Variants in NLGN1 observed in about 807,000 individuals in gnomAD.
NLGN1 encodes neuroligin 1.
Under a neutral mutation model 65.5 loss-of-function variants are expected in NLGN1, and 12 were observed. The observed-to-expected ratio is 0.18, with a 90% CI of 0.12 to 0.30. The LOEUF is 0.30. Among genes scored for constraint, NLGN1 ranks in the 10% least tolerant of loss-of-function variants. The pLI is 1.00. For missense variants in NLGN1, 750 were observed against 1,007.1 expected, an observed-to-expected ratio of 0.74 and a Z score of 3.46; for synonymous variants, 350 against 359.5, an observed-to-expected ratio of 0.97 and a Z score of 0.30.
chr3:173,559,567 T>C (rs1742310312), intron 2 of NLGN1, among the ~76,000 whole-genome samples: 1 of 152,216 alleles, frequency 6.6e-6, no homozygotes, highest in African/African-American at 2.4e-5. Context: ...GTCTAGGATT[T>C]TTTTATTCAC....
At chr3:174,142,262 C>G (rs1296770357) in intron 4 of NLGN1, among the ~76,000 whole-genome samples, 1 of 152,070 alleles carries the variant, frequency 6.6e-6, no homozygotes, top group East Asian at 1.9e-4. Flanking sequence ...ATTTGTTTTT[C>G]AATACTAGGC....
In NLGN1 at chr3:173,677,947, T is replaced by G. The variant is rs528677516; in HGVS notation, c.493+72856T>G. Among the ~76,000 whole-genome samples the G allele has an allele frequency of 5.3e-5, 8 of 152,266 alleles. No homozygotes were observed. In the East Asian group the frequency reaches 1.5e-3, roughly 29 times the overall value. On this transcript the variant is annotated intron_variant, in intron 3 of 6. Transcript: ENST00000457714. ...TTCATTCTTTGACACCATGACGTAG[T>G]GTCATATAATTTAATTTTCAGTTAT...
intron 3 of NLGN1, among the ~76,000 whole-genome samples, chr3:173,706,118 A>G (rs1768007262): frequency 6.6e-6 from 1 of 152,204 alleles, no homozygotes. Flanking sequence ...TAAATAGAGC[A>G]TGAGAGTTCC....
chr3:173,857,425 A>C (rs1728210084), intron 4 of NLGN1, among the ~76,000 whole-genome samples: 1 of 152,042 alleles, frequency 6.6e-6, no homozygotes, highest in Non-Finnish European at 1.5e-5. Context: ...TCTACCTTTG[A>C]GGTGTTATCA....
chr3:174,110,304 CA>C (rs1227758940), intron 4 of NLGN1, among the ~76,000 whole-genome samples: 1 of 151,982 alleles, frequency 6.6e-6, no homozygotes, highest in Non-Finnish European at 1.5e-5. Context: ...ATGAACTAAT[CA>C]TAACATTACG....
intron 3 of NLGN1, among the ~76,000 whole-genome samples, chr3:173,779,544 C>T (rs779488063): frequency 6.6e-6 from 1 of 151,938 alleles, no homozygotes; most frequent in Non-Finnish European, 1.5e-5. Context: ...TGGGCCACAA[C>T]CTCAGATATA....
intron 1 of NLGN1, among the ~76,000 whole-genome samples, chr3:173,429,837 G>T (rs1357759961): frequency 6.6e-6 from 1 of 152,148 alleles, no homozygotes. Context: ...GGTGGCTAAG[G>T]GTTATGCCCA....
intron 3 of NLGN1, among the ~76,000 whole-genome samples, chr3:173,736,526 T>A (rs368559928): frequency 3.9e-5 from 6 of 152,204 alleles, no homozygotes; most frequent in Admixed American, 1.3e-4. Flanking sequence ...AAGATGAGAT[T>A]CAGCCTTCTG....
intron 4 of NLGN1, among the ~76,000 whole-genome samples, chr3:174,131,628 T>C (rs1452227567): frequency 6.6e-6 from 1 of 152,222 alleles, no homozygotes; most frequent in Non-Finnish European, 1.5e-5. Context: ...CAGTGTAGTG[T>C]GTGATTATAT....
chr3:174,133,175 G>C (rs926143976), intron 4 of NLGN1, among the ~76,000 whole-genome samples: 1 of 152,108 alleles, frequency 6.6e-6, no homozygotes, highest in Non-Finnish European at 1.5e-5. Context: ...GTGGTCATTT[G>C]GTCAGTAACA....
chr3:173,766,059 C>T (rs1049405357), intron 3 of NLGN1, among the ~76,000 whole-genome samples: 1 of 151,502 alleles, frequency 6.6e-6, no homozygotes, highest in East Asian at 1.9e-4. Context: ...TGCACGAAAA[C>T]ACCTAGAATC....
At position 173,672,131 on chromosome 3, in the gene NLGN1, G is replaced by A. The variant is rs767940847; in HGVS notation, c.493+67040G>A. ...AGAGCTTGCAGTGAGTCAAGATCGC[G>A]CCACTGCACTCCAGCCTGGGCGACA... On this transcript the variant is annotated intron_variant, in intron 3 of 6. Transcript: ENST00000457714. Among the ~76,000 whole-genome samples, 5 of 152,248 alleles carry A rather than the reference G, an allele frequency of 3.3e-5. No homozygotes were observed. The South Asian group carries it at 6.2e-4, about 19-fold the overall frequency.
At chr3:173,490,270 G>A (rs978099333) in intron 2 of NLGN1, among the ~76,000 whole-genome samples, 13 of 152,120 alleles carry the variant, frequency 8.5e-5, no homozygotes, top group South Asian at 4.2e-4. Context: ...TTATTTTTGT[G>A]TAAGGTGTAA....
At chr3:173,409,597 T>A (rs1218767248) in intron 1 of NLGN1, among the ~76,000 whole-genome samples, 1 of 152,216 alleles carries the variant, frequency 6.6e-6, no homozygotes, top group Non-Finnish European at 1.5e-5. Context: ...CTGTATCCAG[T>A]CAACAATGTC....
At chr3:174,173,449 T>G (rs1013792555) in intron 4 of NLGN1, among the ~76,000 whole-genome samples, 20 of 152,082 alleles carry the variant, frequency 1.3e-4, no homozygotes, top group African/African-American at 4.8e-4. Context: ...TGTGTCTGTC[T>G]CATATAAATC....
intron 3 of NLGN1, among the ~76,000 whole-genome samples, chr3:173,606,754 G>A (rs542717413): frequency 6.6e-6 from 1 of 151,886 alleles, no homozygotes; most frequent in South Asian, 2.1e-4. Flanking sequence ...TGGTAGAGTG[G>A]GATTTAACCT....
chr3:173,658,205 G>A (rs527422517), intron 3 of NLGN1, among the ~76,000 whole-genome samples: 3 of 152,002 alleles, frequency 2.0e-5, no homozygotes, highest in East Asian at 3.9e-4. Flanking sequence ...AAGAGATATC[G>A]GGTCTTTGCA....
chr3:173,751,935 C>T (rs990529052), intron 3 of NLGN1, among the ~76,000 whole-genome samples: 21 of 152,020 alleles, frequency 1.4e-4, no homozygotes, highest in Admixed American at 6.6e-5. Flanking sequence ...AATCACAGAG[C>T]TGTGATTTGA....
chr3:174,070,818 G>A (rs1267336276), intron 4 of NLGN1, among the ~76,000 whole-genome samples: 2 of 152,140 alleles, frequency 1.3e-5, no homozygotes, highest in East Asian at 1.9e-4. Context: ...ACTTTGGGAG[G>A]CCAAGGTAGG....
Sources: allele counts gnomAD v4.1 joint callset (sites outside exome capture counted in the v4.1 genomes callset), GRCh38; gene constraint gnomAD v4.1.1; transcripts MANE v1.5; gene names NCBI Gene and HGNC (gene_info 2026-07-23, HGNC 2026-07-21).